Variants in NCALD observed in about 807,000 individuals in gnomAD.
NCALD encodes neurocalcin-delta.
In NCALD, 10 loss-of-function variants were observed where a neutral mutation model predicts 18.6. The ratio of observed to expected loss-of-function variants is 0.54; its 90% confidence interval spans 0.33 to 0.91. The LOEUF (loss-of-function observed/expected upper bound fraction) is 0.91, where lower values mean the gene tolerates loss of function less well. NCALD is among the 40% of genes least tolerant of loss of function. The pLI is 0.03. For synonymous variants in NCALD, 88 were observed against 87.4 expected (o/e 1.01, Z -0.04); for missense variants, 184 against 247.6 (o/e 0.74, Z 1.72).
intron 3 of NCALD, among the ~76,000 whole-genome samples, chr8:101,911,198 G>C (rs1316293267): frequency 6.6e-6 from 1 of 151,096 alleles, no homozygotes; most frequent in African/African-American, 2.4e-5. Flanking sequence ...TGGCATAAGA[G>C]GAACCAGTAG....
intron 4 of NCALD, among the ~76,000 whole-genome samples, chr8:101,803,771 G>C (rs1812955606): frequency 6.6e-6 from 1 of 152,172 alleles, no homozygotes; most frequent in South Asian, 2.1e-4. Context: ...GTGGTTTCTT[G>C]AGATGGAATC....
intron 1 of NCALD, among the ~76,000 whole-genome samples, chr8:102,056,383 T>G (rs745506479): frequency 1.1e-4 from 17 of 152,252 alleles, no homozygotes; most frequent in Non-Finnish European, 2.4e-4. Flanking sequence ...AGTGCCAGCT[T>G]TGGGATCTGC....
At chr8:101,690,529 CCT>C (rs1269771834) in intron 3 of NCALD, 2 of 985,280 alleles carry the variant, frequency 2.0e-6, no homozygotes, top group East Asian at 1.1e-4. Context: ...TGACCTCTGT[CCT>C]CTTTTATTTC....
At chr8:102,109,949 T>A (rs1430581433) in intron 1 of NCALD, among the ~76,000 whole-genome samples, 2 of 152,242 alleles carry the variant, frequency 1.3e-5, no homozygotes, top group Non-Finnish European at 2.9e-5. Context: ...TTATCAATTT[T>A]CTAAATTATT....
Position 101,768,574 on chromosome 8 carries a change from T to G in NCALD, c.-20+22288A>C, listed in dbSNP as rs376873818. Among the ~76,000 whole-genome samples the G allele has an allele frequency of 2.0e-5, 3 of 152,218 alleles. No individual in the cohort carries two copies. In the South Asian group the frequency reaches 6.2e-4, roughly 32 times the overall value. On this transcript the variant is annotated intron_variant, in intron 1 of 3. Coordinates refer to ENST00000220931, the MANE Select transcript of NCALD (RefSeq NM_032041.3). ...AAATACAAAAATTAGCCAGGTGTGG[T>G]GGTGCATGCCTATAATCCCAGCTAC...
chr8:101,909,671 T>TTTTCAGAAAC (rs1310798722), intron 3 of NCALD, among the ~76,000 whole-genome samples: 1 of 152,196 alleles, frequency 6.6e-6, no homozygotes, highest in East Asian at 1.9e-4. Context: ...TTTCAGAAAC[T>TTTTCAGAAAC]TCTGAAAAGT....
At chr8:101,919,078 C>T (rs1166343926) in intron 2 of NCALD, among the ~76,000 whole-genome samples, 5 of 152,158 alleles carry the variant, frequency 3.3e-5, no homozygotes, top group African/African-American at 4.8e-5. Flanking sequence ...CCAAAGCAAT[C>T]CTAAGCAAAA....
chr8:101,936,278 T>C (rs1168826077), intron 2 of NCALD, among the ~76,000 whole-genome samples: 3 of 152,224 alleles, frequency 2.0e-5, no homozygotes, highest in African/African-American at 7.2e-5. Context: ...AGTTTGCATA[T>C]TCTTCTCCAA....
Position 101,988,047 on chromosome 8 carries a change from C to T in NCALD, c.-157+32190G>A, listed in dbSNP as rs550041857. Among the ~76,000 whole-genome samples the T allele has an allele frequency of 1.0e-4, 15 of 150,178 alleles. 1 individual carries two copies. The highest frequency in any genetic ancestry group is 6.7e-4 in the Admixed American group (10 of 15,030). Reference sequence around the variant, plus strand: ...GCGGGCGCCTGTAGTCCCAGCTACTCGGGAGGCTGAGGCAGGAGAATGGCG... The same window carrying T: ...GCGGGCGCCTGTAGTCCCAGCTACTTGGGAGGCTGAGGCAGGAGAATGGCG... On this transcript the variant is annotated intron_variant, in intron 2 of 6. Coordinates refer to the NCALD transcript ENST00000311028.
chr8:101,872,426 G>A (rs1816057876), intron 4 of NCALD: 2 of 1,178,010 alleles, frequency 1.7e-6, no homozygotes, highest in Middle Eastern at 2.7e-4. Context: ...ACCACTGACT[G>A]CTGAAGGATG....
chr8:101,700,432 T>C (rs1008403676), intron 2 of NCALD, among the ~76,000 whole-genome samples: 2 of 152,144 alleles, frequency 1.3e-5, no homozygotes, highest in Admixed American at 6.5e-5. Context: ...AAGCACCTTA[T>C]TTTTCAATGA....
intron 4 of NCALD, among the ~76,000 whole-genome samples, chr8:101,878,358 T>A (rs751865435): frequency 2.6e-5 from 4 of 152,252 alleles, no homozygotes; most frequent in Non-Finnish European, 5.9e-5. Context: ...TAACTCCATG[T>A]GATTCTCATT....
rs546564010 is a variant in NCALD at position 101,990,298 on chromosome 8, T to G, written c.-157+29939A>C. Among the ~76,000 whole-genome samples the G allele has an allele frequency of 2.0e-5, 3 of 152,292 alleles. 1 individual carries two copies. In the East Asian group the frequency reaches 5.8e-4, roughly 29 times the overall value. On this transcript the variant is annotated intron_variant, in intron 2 of 6. Coordinates refer to the NCALD transcript ENST00000311028. ...TATGGGCAAGACCTAGGAGGTACAA[T>G]GAACCCAGCTTTGAGGAAGCCAGGG...
At chr8:101,857,641 T>C (rs1295792525) in intron 4 of NCALD, among the ~76,000 whole-genome samples, 2 of 152,152 alleles carry the variant, frequency 1.3e-5, no homozygotes, top group African/African-American at 4.8e-5. Context: ...CTGGTGATTG[T>C]TGAAGCAGGG....
chr8:101,988,346 G>A lies in NCALD; in HGVS notation c.-157+31891C>T, dbSNP rs183807254. Among the ~76,000 whole-genome samples the A allele has an allele frequency of 4.8e-3, 730 of 152,278 alleles. 23 individuals are homozygous for A. The highest frequency in any genetic ancestry group is 0.044 in the Admixed American group (674 of 15,298). On this transcript the variant is annotated intron_variant, in intron 2 of 6. Transcript: ENST00000311028. ...TATGCGTGCATGTATGTGTGTGTAT[G>A]TATTTACACAGGCTGAAGCAGTAGA... is the stretch of plus-strand genomic sequence containing the variant.
intron 2 of NCALD, among the ~76,000 whole-genome samples, chr8:101,940,870 G>A (rs1211564560): frequency 6.6e-6 from 1 of 152,126 alleles, no homozygotes; most frequent in Non-Finnish European, 1.5e-5. Context: ...ACATTTAGAT[G>A]GCTCCACAGG....
At chr8:101,794,651 C>G (rs1014863959), upstream of NCALD, among the ~76,000 whole-genome samples, 1 of 152,116 alleles carries the variant, frequency 6.6e-6, no homozygotes, top group Admixed American at 6.5e-5. Flanking sequence ...GAACATTTTT[C>G]TAAGTACTAT....
chr8:101,928,166 T>A (rs921384414), intron 2 of NCALD, among the ~76,000 whole-genome samples: 1 of 152,092 alleles, frequency 6.6e-6, no homozygotes, highest in Admixed American at 6.6e-5. Context: ...TTGTCCAATC[T>A]CTCAATGATC....
intron 2 of NCALD, among the ~76,000 whole-genome samples, chr8:101,933,149 T>A (rs1056169812): frequency 5.9e-5 from 9 of 152,254 alleles, no homozygotes; most frequent in African/African-American, 2.2e-4. Flanking sequence ...GTAGGCTGAA[T>A]AATGGCCTTT....
Sources: gnomAD v4.1 joint callset for allele counts (sites outside exome capture counted in the v4.1 genomes callset) on GRCh38, gnomAD v4.1.1 for gene constraint, MANE v1.5 for transcripts, NCBI Gene and HGNC (gene_info 2026-07-23, HGNC 2026-07-21) for gene names.